The following ZNF557 variants were observed in gnomAD, a reference collection of about 807,000 sequenced individuals.
ZNF557 encodes zinc finger protein 557.
A neutral mutation model predicts 21.2 loss-of-function variants in ZNF557; 19 were observed. The observed-to-expected ratio is 0.90, with a 90% CI of 0.63 to 1.32. The LOEUF is 1.32. ZNF557 is among the 40% of genes most tolerant of loss of function. The pLI, the probability that ZNF557 is intolerant of heterozygous loss-of-function variation, is 0.00. For synonymous variants in ZNF557, 207 were observed against 194.8 expected (o/e 1.06, Z -0.52); for missense variants, 487 against 519.8 (o/e 0.94, Z 0.61).
In ZNF557 at chr19:7,083,595, G is replaced by A; in HGVS notation, c.1144G>A (p.Gly382Arg). ...GEKSYECSDCGKSFNVLSSVK... is the reference protein window; with the variant it reads ...GEKSYECSDCRKSFNVLSSVK... Reference sequence around the variant, plus strand: ...GAAATCCTATGAGTGCAGTGATTGTGGAAAATCCTTTAATGTTCTCTCATC... The same window carrying A: ...GAAATCCTATGAGTGCAGTGATTGTAGAAAATCCTTTAATGTTCTCTCATC... The change falls in exon 8 of 8, where the codon GGA becomes AGA. Residue 382 changes from glycine to arginine, a missense_variant. Gly to Arg is a moderately radical substitution (Grantham distance 125, BLOSUM62 -2). Transcript: ENST00000252840. The A allele has an allele frequency of 6.2e-7, 1 of 1,614,008 alleles. No homozygotes were observed.
chr19:7,081,937 T>C (rs773674599), intron 6 of ZNF557, 33 bp from the exon 7 acceptor site: 23 of 1,573,952 alleles, frequency 1.5e-5, no homozygotes, highest in South Asian at 7.8e-5. Flanking sequence ...GCCTCTTTTC[T>C]ATCAACTTAA....
At position 7,076,477 on chromosome 19, in the gene ZNF557, C is replaced by G. The variant is rs776865313; in HGVS notation, c.217C>G (p.Leu73Val). 6.2e-7 allele frequency: 1 copy of G among 1,614,138 alleles called. No individual in the cohort carries two copies. The highest frequency in any genetic ancestry group is 8.5e-7 in the Non-Finnish European group (1 of 1,180,012). Residue 73 changes from leucine (L) to valine (V), a missense_variant, in exon 5 of 8, where the codon CTG becomes GTG. Physicochemically the swap from Leu to Val is conservative, Grantham distance 32. Transcript: ENST00000252840. ...AQRTLYRDVM[L>V]ENCRNLASLG... ...AAGGACACTGTACAGGGACGTGATG[C>G]TGGAGAACTGCAGGAACCTGGCCTC...
At position 7,081,544 on chromosome 19, in the gene ZNF557, T is replaced by G. The variant is rs76236456; in HGVS notation, c.343+89T>G. ...GAGTATTATAATACATTAGGAAATA[T>G]CAGTCAGAGAACTGTGTAAATGCCC... On this transcript the variant is annotated intron_variant, in intron 6 of 7. Coordinates refer to ENST00000252840, the MANE Select transcript of ZNF557 (RefSeq NM_024341.3). 816 of 905,048 alleles carry G rather than the reference T, an allele frequency of 9.0e-4. 6 individuals carry two copies. In the African/African-American group the frequency reaches 0.012, roughly 13 times the overall value. The allele number at this position is 905,048 out of a possible 1,614,324, so 56.1% of individuals were successfully genotyped here.
At chr19:7,079,531 C>T (rs537242687) in intron 5 of ZNF557, among the ~76,000 whole-genome samples, 123 of 152,188 alleles carry the variant, frequency 8.1e-4, no homozygotes, top group African/African-American at 1.8e-3. Context: ...TGAGCCACCG[C>T]GCCCGGCCCA....
At chr19:7,069,973 C>G (rs1296312805) in intron 1 of ZNF557, among the ~76,000 whole-genome samples, 200 bp downstream of exon 1, 1 of 152,240 alleles carries the variant, frequency 6.6e-6, no homozygotes, top group Non-Finnish European at 1.5e-5. Context: ...ATTCTGCGCC[C>G]CAGGGGACTT....
chr19:7,083,619 T>TC lies in ZNF557; in HGVS notation c.1170dup (p.Val391ArgfsTer2), dbSNP rs753926648. ...TGGAAAATCCTTTAATGTTCTCTCA[T>TC]CCGTTAAGAAACACATGAGAACTCA... On this transcript the variant is annotated frameshift_variant, in exon 8 of 8. Transcript: ENST00000252840. LOFTEE classifies it low-confidence loss of function (END_TRUNC). 6.2e-7 allele frequency: 1 copy of TC among 1,614,058 alleles called. No homozygotes were observed. Among genetic ancestry groups the TC allele is most frequent in the Admixed American group, 1.7e-5 (1 of 60,006 alleles).
chr19:7,072,115 CAAAAAAAAAAAA>C (rs71177148), intron 2 of ZNF557, among the ~76,000 whole-genome samples: 1 of 67,366 alleles, frequency 1.5e-5, no homozygotes, highest in African/African-American at 6.7e-5. Context: ...GACTCCGTCT[CAAAAAAAAAAAA>C]AAAAAAAAAA....
chr19:7,076,750 C>T (rs1388686402), intron 5 of ZNF557, among the ~76,000 whole-genome samples: 1 of 152,130 alleles, frequency 6.6e-6, no homozygotes, highest in African/African-American at 2.4e-5. Flanking sequence ...AGTTCTCCCT[C>T]CTGAACATCT....
chr19:7,075,569 G>T, intron 3 of ZNF557, 86 bp from the exon 4 acceptor site: 1 of 1,351,356 alleles, frequency 7.4e-7, no homozygotes, highest in South Asian at 1.2e-5. Context: ...GGACCTGGTC[G>T]ATCGCAGGCA....
rs1445489989 is a variant in ZNF557 at position 7,086,362 on chromosome 19, T to C, written c.*2618T>C. ...AATATAGCAAATACTGTTTCTTTTT[T>C]TTTTTTTTTTTTTTTTTGAGACGGA... On this transcript the variant is annotated 3_prime_UTR_variant, in exon 8 of 8. Transcript: ENST00000252840. 11 of 133,294 alleles carry C rather than the reference T, an allele frequency of 8.3e-5. No homozygotes were observed. The South Asian group carries it at 1.5e-3, about 18-fold the overall frequency. 8.3% of individuals were successfully genotyped at this position (133,294 alleles called of 1,614,324 possible).
Position 7,075,853 on chromosome 19 carries a change from C to G in ZNF557, c.120+110C>G, listed in dbSNP as rs1205128765. On this transcript the variant is annotated intron_variant, in intron 4 of 7. Coordinates refer to ENST00000252840, the MANE Select transcript of ZNF557 (RefSeq NM_024341.3). Reference sequence around the variant, plus strand: ...CGGCCAAACTTGTTCCTCAGGCATCCCAGGGTCTCTGAGTGAGGGCTGCCC... The same window carrying G: ...CGGCCAAACTTGTTCCTCAGGCATCGCAGGGTCTCTGAGTGAGGGCTGCCC... 38 of 1,524,174 alleles carry G rather than the reference C, an allele frequency of 2.5e-5. No homozygotes were observed. In the East Asian group the frequency reaches 7.7e-4, roughly 31 times the overall value. The allele number at this position is 1,524,174 out of a possible 1,614,324, so 94.4% of individuals were successfully genotyped here.
Position 7,075,061 on chromosome 19 carries a change from G to A in ZNF557, c.-14G>A, listed in dbSNP as rs773632169. ...CCTGCTTCCCGGCTGCCCTGTTGCT[G>A]TCGGAGTCACAGGATGGCGGCTGTC... On this transcript the variant is annotated 5_prime_UTR_variant, in exon 3 of 8. Coordinates refer to ENST00000252840, the MANE Select transcript of ZNF557 (RefSeq NM_024341.3). The A allele has an allele frequency of 4.0e-5, 64 of 1,614,030 alleles. No individual in the cohort carries two copies. Among genetic ancestry groups the A allele is most frequent in the Non-Finnish European group, 5.2e-5 (61 of 1,180,032 alleles).
chr19:7,078,876 C>G (rs1484422934), intron 5 of ZNF557, among the ~76,000 whole-genome samples: 1 of 152,114 alleles, frequency 6.6e-6, no homozygotes, highest in African/African-American at 2.4e-5. Context: ...TTCTGCTCTA[C>G]AGATCAGGCA....
Position 7,083,916 on chromosome 19 carries a change from C to G in ZNF557, c.*172C>G. On this transcript the variant is annotated 3_prime_UTR_variant, in exon 8 of 8. Transcript: ENST00000252840. ...TCAAAATTTTTGTAGGTCAGGAATTCAGAAACAACATAGCTCTATAGTTCT... is the reference window on the plus strand; with the variant it reads ...TCAAAATTTTTGTAGGTCAGGAATTGAGAAACAACATAGCTCTATAGTTCT... The G allele has an allele frequency of 1.5e-6, 1 of 667,486 alleles. No individual in the cohort carries two copies. The highest frequency in any genetic ancestry group is 1.9e-5 in the South Asian group (1 of 51,316). 41.3% of individuals were successfully genotyped at this position (667,486 alleles called of 1,614,324 possible).
rs1283580069 is a variant in ZNF557, at chr19:7,084,096, C to T, written c.*352C>T. On this transcript the variant is annotated 3_prime_UTR_variant, in exon 8 of 8. Coordinates refer to ENST00000252840, the MANE Select transcript of ZNF557 (RefSeq NM_024341.3). Reference sequence around the variant, plus strand: ...AGCTGCGCTTCCAAATCACGTAGGCCTCTCAACAGGGCTGAGTTTCTTTAT... The same window carrying T: ...AGCTGCGCTTCCAAATCACGTAGGCTTCTCAACAGGGCTGAGTTTCTTTAT... 12 of 217,732 alleles carry T rather than the reference C, an allele frequency of 5.5e-5. No homozygotes were observed. The highest frequency in any genetic ancestry group is 9.2e-5 in the Non-Finnish European group (10 of 108,692). The allele number at this position is 217,732 out of a possible 1,614,324, so 13.5% of individuals were successfully genotyped here.
rs764455301 is a variant in ZNF557, at chr19:7,087,788, C to A, written c.*4044C>A. 1 of 151,802 alleles carries A rather than the reference C, an allele frequency of 6.6e-6. No homozygotes were observed. Among genetic ancestry groups the A allele is most frequent in the African/African-American group, 2.4e-5 (1 of 41,286 alleles). 9.4% of individuals were successfully genotyped at this position (151,802 alleles called of 1,614,324 possible). ...TTATCTGTTAATCCTGTTTATTGATCTGTTTTTATAAGTGCTCCATGATTC... is the reference window on the plus strand; with the variant it reads ...TTATCTGTTAATCCTGTTTATTGATATGTTTTTATAAGTGCTCCATGATTC... On this transcript the variant is annotated 3_prime_UTR_variant, in exon 8 of 8. Coordinates refer to ENST00000252840, the MANE Select transcript of ZNF557 (RefSeq NM_024341.3).
chr19:7,077,138 T>TTTG (rs1197096100), intron 5 of ZNF557, among the ~76,000 whole-genome samples: 2 of 129,568 alleles, frequency 1.5e-5, no homozygotes, highest in South Asian at 5.4e-4. Context: ...CTTTCTTTTT[T>TTTG]TTTTTTTTTT....
At position 7,075,706 on chromosome 19, in the gene ZNF557, G is replaced by C. The variant is rs1178338717; in HGVS notation, c.83G>C (p.Gly28Ala). 1.9e-6 allele frequency: 3 copies of C among 1,613,620 alleles called. No individual in the cohort carries two copies. In the African/African-American group the frequency reaches 4.0e-5, roughly 22 times the overall value. ...CAGCGAGAAGGACACACAGAGGGCG[G>C]AGAGCTGGTTAATGAGCTCCTGAAA... ...ASQREGHTEG[G>A]ELVNELLKSW... The change falls in exon 4 of 8, where the codon GGA becomes GCA. Residue 28 changes from glycine (G) to alanine (A), a missense_variant. Physicochemically the swap from Gly to Ala is moderately conservative, Grantham distance 60. Transcript: ENST00000252840.
At chr19:7,075,998 C>G (rs1977581428) in intron 4 of ZNF557, among the ~76,000 whole-genome samples, 1 of 152,134 alleles carries the variant, frequency 6.6e-6, no homozygotes, top group African/African-American at 2.4e-5. Flanking sequence ...TGATGATGTT[C>G]TAAACCCAAG....
Sources: allele counts gnomAD v4.1 joint callset (sites outside exome capture counted in the v4.1 genomes callset), GRCh38; gene constraint gnomAD v4.1.1; transcripts MANE v1.5; gene names NCBI Gene and HGNC (gene_info 2026-07-23, HGNC 2026-07-21).